Variants in PARVA observed in about 807,000 individuals in gnomAD.
The protein encoded by PARVA is alpha-parvin.
Under a neutral mutation model 52.6 loss-of-function variants are expected in PARVA, and 25 were observed. The ratio of observed to expected loss-of-function variants is 0.48; its 90% CI spans 0.35 to 0.66. The LOEUF (loss-of-function observed/expected upper bound fraction) is 0.66, where lower values mean the gene tolerates loss of function less well. Among genes scored for constraint, PARVA ranks in the 30% least tolerant of loss-of-function variants. The pLI, the probability that PARVA is intolerant of heterozygous loss-of-function variation, is 0.01. For missense variants in PARVA, 373 were observed against 450.9 expected, an observed-to-expected ratio of 0.83 and a Z score of 1.56; for synonymous variants, 185 against 179.1, an observed-to-expected ratio of 1.03 and a Z score of -0.26.
chr11:12,406,455 G>A (rs1056044149), intron 1 of PARVA, among the ~76,000 whole-genome samples: 3 of 151,958 alleles, frequency 2.0e-5, no homozygotes, highest in Non-Finnish European at 4.4e-5. Context: ...TAGCCAAGGT[G>A]ACATATAAAA....
chr11:12,428,307 T>G lies in PARVA; in HGVS notation c.137-45438T>G, dbSNP rs142160924. ...TCAGCTTCCTTTTCCATATAGAGTC[T>G]CTCATATGAAAGGAGGGAAGGAAGG... On this transcript the variant is annotated intron_variant, in intron 1 of 12. Transcript: ENST00000334956. 6.0e-4 allele frequency among the ~76,000 whole-genome samples: 91 copies of G among 152,102 alleles called. 2 individuals are homozygous for G. In the East Asian group the frequency reaches 0.016, roughly 27 times the overall value.
chr11:12,461,424 G>A (rs1464974751), intron 1 of PARVA, among the ~76,000 whole-genome samples: 5 of 152,184 alleles, frequency 3.3e-5, no homozygotes, highest in Non-Finnish European at 7.3e-5. Flanking sequence ...CTAAGTAGGA[G>A]CAGACTTTTA....
At chr11:12,402,479 C>T (rs1311353202) in intron 1 of PARVA, among the ~76,000 whole-genome samples, 1 of 152,154 alleles carries the variant, frequency 6.6e-6, no homozygotes, top group South Asian at 2.1e-4. Flanking sequence ...TTTCCTTTTT[C>T]CCCCTTGGTC....
intron 1 of PARVA, among the ~76,000 whole-genome samples, chr11:12,460,473 T>C (rs1449365819): frequency 6.6e-6 from 1 of 152,008 alleles, no homozygotes; most frequent in Non-Finnish European, 1.5e-5. Flanking sequence ...ACAAGGGACA[T>C]ACAATGTGTG....
At chr11:12,442,100 G>T (rs567040498) in intron 1 of PARVA, among the ~76,000 whole-genome samples, 1 of 152,348 alleles carries the variant, frequency 6.6e-6, no homozygotes, top group Admixed American at 6.5e-5. Flanking sequence ...CAGTTCAGCA[G>T]CATGGAGGCA....
chr11:12,461,916 G>T (rs1363756562), intron 1 of PARVA, among the ~76,000 whole-genome samples: 1 of 152,208 alleles, frequency 6.6e-6, no homozygotes, highest in South Asian at 2.1e-4. Flanking sequence ...TCAAGTACAA[G>T]AGAGTGTGGT....
At chr11:12,436,659 G>C (rs563088312) in intron 1 of PARVA, among the ~76,000 whole-genome samples, 1 of 152,290 alleles carries the variant, frequency 6.6e-6, no homozygotes. Flanking sequence ...GGGAAGATCA[G>C]TTTAGCTTCC....
chr11:12,468,486 A>T (rs936205117), intron 1 of PARVA, among the ~76,000 whole-genome samples: 1 of 152,174 alleles, frequency 6.6e-6, no homozygotes, highest in Non-Finnish European at 1.5e-5. Context: ...ATCAGGGGGA[A>T]ATTACCATTC....
At chr11:12,478,248 C>T (rs944412021) in intron 4 of PARVA, 24 of 426,658 alleles carry the variant, frequency 5.6e-5, no homozygotes, top group Non-Finnish European at 8.9e-5. Flanking sequence ...AGCACGCCTC[C>T]GCCTCTCCAG....
At chr11:12,440,962 C>G (rs139990279) in intron 1 of PARVA, among the ~76,000 whole-genome samples, 1 of 152,246 alleles carries the variant, frequency 6.6e-6, no homozygotes, top group Non-Finnish European at 1.5e-5. Flanking sequence ...TCTACATAAT[C>G]CCTCTATCAG....
intron 1 of PARVA, among the ~76,000 whole-genome samples, chr11:12,388,348 C>A (rs1238660427): frequency 6.6e-6 from 1 of 152,256 alleles, no homozygotes; most frequent in African/African-American, 2.4e-5. Context: ...AACAGGCCAG[C>A]CTGCCAAAGC....
At chr11:12,465,210 G>A (rs1940838491) in intron 1 of PARVA, among the ~76,000 whole-genome samples, 1 of 152,012 alleles carries the variant, frequency 6.6e-6, no homozygotes, top group Admixed American at 6.6e-5. Flanking sequence ...AATGAGTTAT[G>A]GAATAGGACT....
At chr11:12,495,349 A>T (rs1309363066) in intron 4 of PARVA, among the ~76,000 whole-genome samples, 5 of 152,254 alleles carry the variant, frequency 3.3e-5, no homozygotes, top group Non-Finnish European at 7.3e-5. Flanking sequence ...TTTGGCTTAG[A>T]TAAACCACAG....
At chr11:12,511,889 T>G (rs894275487) in intron 8 of PARVA, among the ~76,000 whole-genome samples, 1 of 152,184 alleles carries the variant, frequency 6.6e-6, no homozygotes, top group Admixed American at 6.5e-5. Context: ...AGCACTTAAC[T>G]CCGAGTTTAT....
rs1414438434 is a variant in PARVA, at chr11:12,517,655, G to A, written c.913G>A (p.Gly305Ser). 1.9e-6 allele frequency: 3 copies of A among 1,605,884 alleles called. No individual in the cohort carries two copies. Among genetic ancestry groups the A allele is most frequent in the Non-Finnish European group, 2.6e-6 (3 of 1,176,176 alleles). Residue 305 changes from glycine to serine, a missense_variant, in exon 11 of 13, where the codon GGC becomes AGC. Physicochemically the swap from Gly to Ser is moderately conservative, Grantham distance 56 (BLOSUM62 0). Transcript: ENST00000334956. The stretch of plus-strand genomic sequence containing the variant: ...GGTGCTGCTCATGGGGCTCCTGGAG[G>A]GCTACTTTGTGCCCCTGCACAGCTT... ...YLVLLMGLLE[G>S]YFVPLHSFFL...
At chr11:12,410,865 A>ACT (rs1244687488) in intron 1 of PARVA, among the ~76,000 whole-genome samples, 11 of 152,282 alleles carry the variant, frequency 7.2e-5, no homozygotes, top group African/African-American at 2.6e-4. Context: ...AAGCATCTGG[A>ACT]CTCTGGCATC....
At chr11:12,398,881 T>C (rs574974712) in intron 1 of PARVA, among the ~76,000 whole-genome samples, 1 of 152,326 alleles carries the variant, frequency 6.6e-6, no homozygotes, top group East Asian at 1.9e-4. Context: ...CCCATGCCCA[T>C]GACTTGTGAT....
At chr11:12,480,936 A>G (rs934876598) in intron 4 of PARVA, 1 of 152,042 alleles carries the variant, frequency 6.6e-6, no homozygotes, top group Non-Finnish European at 1.5e-5. Flanking sequence ...AAGGAGGCAG[A>G]GTTTTGAGTG....
intron 12 of PARVA, among the ~76,000 whole-genome samples, chr11:12,523,102 A>T (rs1486592363): frequency 3.9e-5 from 6 of 152,076 alleles, no homozygotes; most frequent in African/African-American, 1.2e-4. Context: ...TGTCATATTT[A>T]AAAAAAATTT....
Sources: gnomAD v4.1 joint callset for allele counts (sites outside exome capture counted in the v4.1 genomes callset) on GRCh38, gnomAD v4.1.1 for gene constraint, MANE v1.5 for transcripts, NCBI Gene and HGNC (gene_info 2026-07-23, HGNC 2026-07-21) for gene names.